PAK1: variants seen among roughly 807,000 people sequenced by gnomAD.
The protein encoded by PAK1 is p21 (RAC1) activated kinase 1.
A neutral mutation model predicts 67.4 loss-of-function variants in PAK1; 29 were observed. The observed-to-expected ratio is 0.43, with a 90% CI of 0.32 to 0.59. PAK1 has a LOEUF of 0.59. Ranked by LOEUF, PAK1 falls within the 20% of genes least tolerant of loss-of-function variation. The probability of loss-of-function intolerance (pLI) is 0.07; values close to 1 mark genes in which losing one functional copy is unlikely to be tolerated. For synonymous variants in PAK1, 223 were observed against 237.4 expected (o/e 0.94, Z 0.56); for missense variants, 337 against 670.7 (o/e 0.50, Z 5.50).
chr11:77,353,570 T>C lies in PAK1; in HGVS notation c.802A>G (p.Lys268Glu). 1 of 1,611,232 alleles carries C rather than the reference T, an allele frequency of 6.2e-7. No individual in the cohort carries two copies. Among genetic ancestry groups the C allele is most frequent in the Non-Finnish European group, 8.5e-7 (1 of 1,177,450 alleles). The change falls in exon 8 of 15, where the codon AAG becomes GAG. Residue 268 changes from lysine (K) to glutamate (E), a missense_variant. Physicochemically the swap from Lys to Glu is moderately conservative, Grantham distance 56. Transcript: ENST00000356341. ...ATCTTCTCAAACCGTGTATATTTCT[T>C]CTTAGGATCGCCCACACTCACTATG... is the stretch of plus-strand genomic sequence containing the variant. ...RSIVSVGDPK[K>E]KYTRFEKIGQ...
chr11:77,428,379 C>T (rs912363250), intron 1 of PAK1, among the ~76,000 whole-genome samples: 5 of 151,962 alleles, frequency 3.3e-5, no homozygotes, highest in African/African-American at 1.2e-4. Flanking sequence ...CTGGCTAGCG[C>T]GGTGAAACCC....
At chr11:77,360,778 CTAAGT>C (rs1198983261) in intron 5 of PAK1, among the ~76,000 whole-genome samples, 1 of 152,144 alleles carries the variant, frequency 6.6e-6, no homozygotes, top group African/African-American at 2.4e-5. Flanking sequence ...GGGCAAGGGT[CTAAGT>C]TAAGTCTCAC....
the PAK1 span, among the ~76,000 whole-genome samples, chr11:77,493,619 T>C: frequency 6.6e-6 from 1 of 151,840 alleles, no homozygotes; most frequent in Non-Finnish European, 1.5e-5. Context: ...CTGGGTCTTA[T>C]AGGATGAGTT....
intron 1 of PAK1, among the ~76,000 whole-genome samples, chr11:77,402,344 C>T (rs1412413398): frequency 6.6e-6 from 1 of 152,084 alleles, no homozygotes; most frequent in Admixed American, 6.6e-5. Flanking sequence ...ATCCTCCCCA[C>T]CCCCATCCGC....
chr11:77,368,046 A>C (rs1947850501), intron 5 of PAK1, among the ~76,000 whole-genome samples: 1 of 152,262 alleles, frequency 6.6e-6, no homozygotes, highest in Non-Finnish European at 1.5e-5. Flanking sequence ...ATAACAAAAG[A>C]AGCAAGGGGA....
intron 2 of PAK1, among the ~76,000 whole-genome samples, chr11:77,385,533 A>G (rs568633392): frequency 6.6e-6 from 1 of 152,316 alleles, no homozygotes; most frequent in East Asian, 1.9e-4. Context: ...CAGAAGACTT[A>G]TATCTAAATA....
chr11:77,327,657 C>G (rs975198274), intron 14 of PAK1, among the ~76,000 whole-genome samples: 2 of 152,224 alleles, frequency 1.3e-5, no homozygotes, highest in Non-Finnish European at 2.9e-5. Context: ...AAAGGAACAA[C>G]CAGTACCAGC....
chr11:77,493,275 G>GTTT, the PAK1 span, among the ~76,000 whole-genome samples: 7,861 of 127,960 alleles, frequency 0.061, 598 homozygotes, highest in East Asian at 0.19. Context: ...TTTTTTTGTT[G>GTTT]TTTTTTTTTT....
intron 1 of PAK1, among the ~76,000 whole-genome samples, chr11:77,437,788 T>G (rs1565702999): frequency 6.6e-6 from 1 of 152,350 alleles, no homozygotes; most frequent in South Asian, 2.1e-4. Context: ...CTCTGAACTC[T>G]TTAAGAGTAT....
At chr11:77,330,417 G>T (rs1941199477) in intron 14 of PAK1, among the ~76,000 whole-genome samples, 11 of 152,140 alleles carry the variant, frequency 7.2e-5, no homozygotes, top group Admixed American at 7.2e-4. Context: ...AAACAGCATG[G>T]TACTGGTACC....
In PAK1 at chr11:77,345,343, A is replaced by C. The variant is rs554580704; in HGVS notation, c.886-1412T>G. Among the ~76,000 whole-genome samples the C allele has an allele frequency of 2.0e-5, 3 of 150,834 alleles. No homozygotes were observed. The South Asian group carries it at 6.3e-4, about 32-fold the overall frequency. Reference sequence around the variant, plus strand: ...TACTTTGTTTTTAAATAAAAACAAAAAAAAAATGGCAATGGGCTCCTCTAT... The same window carrying C: ...TACTTTGTTTTTAAATAAAAACAAACAAAAAATGGCAATGGGCTCCTCTAT... On this transcript the variant is annotated intron_variant, in intron 9 of 14. Transcript: ENST00000356341.
chr11:77,459,110 TAG>T (rs1957204853), intron 1 of PAK1, among the ~76,000 whole-genome samples: 1 of 152,124 alleles, frequency 6.6e-6, no homozygotes, highest in South Asian at 2.1e-4. Context: ...ACTGTCTATT[TAG>T]AGAGATAGAG....
chr11:77,385,963 C>A (rs1294651870), intron 2 of PAK1, among the ~76,000 whole-genome samples: 1 of 152,120 alleles, frequency 6.6e-6, no homozygotes, highest in Non-Finnish European at 1.5e-5. Flanking sequence ...GGTTTCTCAG[C>A]CCATTCATTA....
chr11:77,453,643 C>A (rs1234618292), intron 1 of PAK1, among the ~76,000 whole-genome samples: 2 of 152,026 alleles, frequency 1.3e-5, no homozygotes, highest in African/African-American at 4.8e-5. Flanking sequence ...TCACAGCAAG[C>A]TGAATACATA....
intron 8 of PAK1, among the ~76,000 whole-genome samples, chr11:77,350,229 G>A (rs959439446): frequency 1.3e-5 from 2 of 152,052 alleles, no homozygotes; most frequent in African/African-American, 4.8e-5. Context: ...GTGGTTTTTA[G>A]TTTTCATTTT....
the PAK1 span, among the ~76,000 whole-genome samples, chr11:77,507,188 C>A: frequency 6.6e-6 from 1 of 152,070 alleles, no homozygotes; most frequent in Non-Finnish European, 1.5e-5. Context: ...GGGACCCTAG[C>A]CTTTAAAAGA....
chr11:77,378,785 GC>G lies in PAK1; in HGVS notation c.439+455del, dbSNP rs528956701. Among the ~76,000 whole-genome samples, 563 of 152,128 alleles carry G rather than the reference GC, an allele frequency of 3.7e-3. 6 individuals are homozygous for G. The highest frequency in any genetic ancestry group is 0.012 in the African/African-American group (499 of 41,508). ...GTATTTTTTGTAGAGACAGGGTTTT[GC>G]CACGTTGCCCAGACTGGTCTCGAAC... On this transcript the variant is annotated intron_variant, in intron 4 of 14. Coordinates refer to ENST00000356341, the MANE Select transcript of PAK1 (RefSeq NM_002576.5).
intron 5 of PAK1, among the ~76,000 whole-genome samples, chr11:77,367,904 G>A (rs948617977): frequency 6.6e-6 from 1 of 152,202 alleles, no homozygotes; most frequent in African/African-American, 2.4e-5. Context: ...TGCTTGAACC[G>A]GGAAGCGGAG....
intron 14 of PAK1, 103 bp from the exon 15 acceptor site, chr11:77,323,463 T>G: frequency 2.5e-6 from 2 of 807,540 alleles, no homozygotes; most frequent in Non-Finnish European, 4.2e-6. Flanking sequence ...GGGTGCTGTG[T>G]GGAAAGCTTC....
Sources: gnomAD v4.1 joint callset for allele counts (sites outside exome capture counted in the v4.1 genomes callset) on GRCh38, gnomAD v4.1.1 for gene constraint, MANE v1.5 for transcripts, NCBI Gene and HGNC (gene_info 2026-07-23, HGNC 2026-07-21) for gene names.